The following POLR2F variants were observed in gnomAD, a reference collection of about 807,000 sequenced individuals.
POLR2F encodes DNA-directed RNA polymerases I, II, and III subunit RPABC2.
In POLR2F, 12 loss-of-function variants were observed where a neutral mutation model predicts 22.7. The ratio of observed to expected loss-of-function variants is 0.53; its 90% confidence interval spans 0.34 to 0.86. POLR2F has a LOEUF of 0.86. Ranked by LOEUF, POLR2F falls within the 40% of genes least tolerant of loss-of-function variation. The pLI is 0.02. For synonymous variants in POLR2F, 57 were observed against 66.0 expected, an observed-to-expected ratio of 0.86 and a Z score of 0.66; for missense variants, 126 against 171.5, an observed-to-expected ratio of 0.73 and a Z score of 1.48.
rs572595546 is a variant in POLR2F, at chr22:37,968,370, C to T, written c.*655C>T. The T allele has an allele frequency of 4.4e-4, 435 of 985,850 alleles. 1 individual carries two copies. The South Asian group carries it at 4.9e-3, about 11-fold the overall frequency. The allele number at this position is 985,850 out of a possible 1,614,324, so 61.1% of individuals were successfully genotyped here. A position where few individuals can be genotyped will look rare whatever the true frequency, so the allele number is the denominator to read the frequency against. ...ACTCCTCCTCAGGACTCTGCCCACA[C>T]GCTGTCCTCTGTGGCCCACCTCTTT... On this transcript the variant is annotated 3_prime_UTR_variant, in exon 5 of 5. Coordinates refer to ENST00000442738, the MANE Select transcript of POLR2F (RefSeq NM_021974.5).
At chr22:38,010,002 A>G (rs1173690796) in intron 1 of POLR2F, among the ~76,000 whole-genome samples, 1 of 152,196 alleles carries the variant, frequency 6.6e-6, no homozygotes, top group Admixed American at 6.5e-5. Flanking sequence ...AGTTGTGTGG[A>G]CATATGCTTT....
rs1276292783 is a variant in POLR2F, at chr22:38,016,814, A to G, written c.121-9055A>G. 6.6e-6 allele frequency among the ~76,000 whole-genome samples: 1 copy of G among 151,570 alleles called. No individual in the cohort carries two copies. The highest frequency in any genetic ancestry group is 2.4e-5 in the African/African-American group (1 of 41,412). On this transcript the variant is annotated intron_variant, in intron 1 of 2. Coordinates refer to the POLR2F transcript ENST00000333418. The surrounding 1 kb of genome is among the most constrained non-coding windows in gnomAD (Gnocchi z 4.4). ...GTTTCTACTGTAATGACATGTTGGA[A>G]TAGAGAGAGAGAGAGAAGGAAAAAA... is the stretch of plus-strand genomic sequence containing the variant.
At chr22:38,006,611 G>A (rs2017104632) in intron 1 of POLR2F, among the ~76,000 whole-genome samples, 1 of 152,208 alleles carries the variant, frequency 6.6e-6, no homozygotes, top group South Asian at 2.1e-4. Flanking sequence ...ATGTGGCTCT[G>A]GGGAGGAGCG....
At chr22:37,959,612 AC>A in intron 3 of POLR2F, 136 bp downstream of exon 3, 1 of 965,606 alleles carries the variant, frequency 1.0e-6, no homozygotes, top group Non-Finnish European at 1.5e-6. Flanking sequence ...GTCCCTGCGT[AC>A]CAGGCATTGA....
At chr22:38,015,008 A>G (rs2084904580) in intron 1 of POLR2F, among the ~76,000 whole-genome samples, 1 of 151,556 alleles carries the variant, frequency 6.6e-6, no homozygotes. Flanking sequence ...AGGTTTCACC[A>G]TGTTGATCAG....
chr22:37,969,299 T>C lies in POLR2F; in HGVS notation c.*1584T>C. 1.0e-6 allele frequency: 1 copy of C among 985,424 alleles called. No individual in the cohort carries two copies. The highest frequency in any genetic ancestry group is 1.2e-6 in the Non-Finnish European group (1 of 829,924). The allele number at this position is 985,424 out of a possible 1,614,324, so 61.0% of individuals were successfully genotyped here. On this transcript the variant is annotated 3_prime_UTR_variant, in exon 5 of 5. Coordinates refer to ENST00000442738, the MANE Select transcript of POLR2F (RefSeq NM_021974.5). ...GGCTTTTGACTTCTCTTGAATAAAA[T>C]GTCCCGGTCACCACTATTGGTTCTG... is the stretch of plus-strand genomic sequence containing the variant.
upstream of POLR2F, chr22:37,983,814 C>T (rs963530931): frequency 1.4e-6 from 2 of 1,405,166 alleles, no homozygotes; most frequent in Non-Finnish European, 1.9e-6. The surrounding 1 kb of genome is among the most constrained non-coding windows in gnomAD (Gnocchi z 9.5). Flanking sequence ...GCCGCCGCCT[C>T]GGCCGCCTCC....
In POLR2F at chr22:37,997,928, C is replaced by G. The variant is rs905236461; in HGVS notation, c.120+11616C>G. On this transcript the variant is annotated intron_variant, in intron 1 of 2. Coordinates refer to the POLR2F transcript ENST00000333418. This position sits in a 1 kb window ranked among gnomAD's most constrained non-coding sequence, Gnocchi z 4.4. ...CCGCAGGATTTGTACCATCTCCTGG[C>G]GCGAGAGCCAGGGTTGCCCAGATTG... Among the ~76,000 whole-genome samples, 4 of 152,168 alleles carry G rather than the reference C, an allele frequency of 2.6e-5. No homozygotes were observed. Among genetic ancestry groups the G allele is most frequent in the Admixed American group, 2.0e-4 (3 of 15,274 alleles).
At chr22:38,013,802 G>T (rs918182067) in intron 1 of POLR2F, among the ~76,000 whole-genome samples, 2 of 152,178 alleles carry the variant, frequency 1.3e-5, no homozygotes, top group African/African-American at 4.8e-5. Context: ...GTAATTTCTA[G>T]TTGTTTGTTG....
At chr22:38,031,261 T>C (rs2085062698), downstream of POLR2F, among the ~76,000 whole-genome samples, 1 of 152,096 alleles carries the variant, frequency 6.6e-6, no homozygotes, top group Admixed American at 6.5e-5. This position sits in a 1 kb window ranked among gnomAD's most constrained non-coding sequence, Gnocchi z 4.1. Flanking sequence ...CGGACAGTAA[T>C]ACCACAGAGC....
chr22:37,999,666 G>A (rs1034903026), intron 1 of POLR2F, among the ~76,000 whole-genome samples: 3 of 152,080 alleles, frequency 2.0e-5, no homozygotes, highest in Non-Finnish European at 4.4e-5. Flanking sequence ...AGTGGGGTGC[G>A]GAGGATGAGG....
chr22:37,994,900 C>A (rs184624298), intron 1 of POLR2F, among the ~76,000 whole-genome samples: 2 of 152,242 alleles, frequency 1.3e-5, no homozygotes, highest in Non-Finnish European at 2.9e-5. Context: ...CCGCCTTGGC[C>A]TCCCAAAATG....
At chr22:37,973,140 T>G, downstream of POLR2F, 1 of 262,448 alleles carries the variant, frequency 3.8e-6, no homozygotes. Context: ...AGGCCTCCGA[T>G]GCCACCAACC....
chr22:37,993,940 G>T (rs1017124155), intron 1 of POLR2F, among the ~76,000 whole-genome samples: 4 of 152,220 alleles, frequency 2.6e-5, no homozygotes, highest in African/African-American at 9.6e-5. Flanking sequence ...AGTGAGCCGA[G>T]ATCGCGCCAC....
chr22:37,971,406 C>T (rs920530022), downstream of POLR2F: 1 of 429,596 alleles, frequency 2.3e-6, no homozygotes, highest in Non-Finnish European at 4.9e-6. Context: ...CTGTTATGAG[C>T]TGGGTATGAG....
At chr22:37,977,029 G>A (rs1003769412) in intron 4 of POLR2F, among the ~76,000 whole-genome samples, 2 of 151,794 alleles carry the variant, frequency 1.3e-5, no homozygotes, top group African/African-American at 4.8e-5. Flanking sequence ...TGAGCCAGAC[G>A]TGGCGGTGTG....
Position 37,980,037 on chromosome 22 carries a change from C to T in POLR2F, c.293+12867C>T, listed in dbSNP as rs776381423. Among the ~76,000 whole-genome samples, 19 of 152,166 alleles carry T rather than the reference C, an allele frequency of 1.2e-4. No individual in the cohort carries two copies. Among genetic ancestry groups the T allele is most frequent in the Non-Finnish European group, 2.2e-4 (15 of 68,024 alleles). On this transcript the variant is annotated intron_variant, in intron 4 of 4. Transcript: ENST00000405557. The surrounding 1 kb of genome is among the most constrained non-coding windows in gnomAD (Gnocchi z 4.1). ...CAGCATTCCTCTGCGGCTTAGCCTC[C>T]CTGTCTACTCCCCCCACCCCGGCCC... is the stretch of plus-strand genomic sequence containing the variant.
At chr22:38,004,948 A>G (rs2084807306) in intron 1 of POLR2F, among the ~76,000 whole-genome samples, 1 of 152,200 alleles carries the variant, frequency 6.6e-6, no homozygotes, top group South Asian at 2.1e-4. Flanking sequence ...CCGTCTCAAA[A>G]AACAAAACAA....
chr22:38,024,848 G>A (rs930935471), intron 1 of POLR2F, among the ~76,000 whole-genome samples: 3 of 152,056 alleles, frequency 2.0e-5, no homozygotes, highest in African/African-American at 4.8e-5. Context: ...TGGAGGGGTC[G>A]TGCAGGGTGC....
Sources: gnomAD v4.1 joint callset for allele counts (sites outside exome capture counted in the v4.1 genomes callset) on GRCh38, gnomAD v4.1.1 for gene constraint, Gnocchi (gnomAD v3.1) non-coding constraint, MANE v1.5 for transcripts, NCBI Gene and HGNC (gene_info 2026-07-23, HGNC 2026-07-21) for gene names.